The following RORA variants were observed in gnomAD, a reference collection of about 807,000 sequenced individuals.
RORA encodes RAR related orphan receptor A, also known as nuclear receptor ROR-alpha.
A neutral mutation model predicts 69.5 loss-of-function variants in RORA; 7 were observed. The observed-to-expected ratio is 0.10, with a 90% CI of 0.06 to 0.19. The LOEUF (loss-of-function observed/expected upper bound fraction) is 0.19. Ranked by LOEUF, RORA falls within the 10% of genes least tolerant of loss-of-function variation. The pLI is 1.00. For synonymous variants in RORA, 261 were observed against 240.8 expected (o/e 1.08, Z -0.78); for missense variants, 457 against 663.0 (o/e 0.69, Z 3.41).
At chr15:60,897,921 C>T (rs1595801048) in intron 1 of RORA, among the ~76,000 whole-genome samples, 1 of 152,134 alleles carries the variant, frequency 6.6e-6, no homozygotes, top group East Asian at 1.9e-4. Flanking sequence ...AAGATAGAGC[C>T]CATATTGGAT....
At chr15:61,097,749 C>T (rs1236290481) in intron 1 of RORA, among the ~76,000 whole-genome samples, 1 of 151,620 alleles carries the variant, frequency 6.6e-6, no homozygotes, top group African/African-American at 2.4e-5. Context: ...CTTCACCTGC[C>T]CTAAACCACA....
chr15:61,189,632 C>T (rs1341664640), intron 1 of RORA, among the ~76,000 whole-genome samples: 1 of 151,968 alleles, frequency 6.6e-6, no homozygotes, highest in Non-Finnish European at 1.5e-5. Flanking sequence ...CCGAGGTAGG[C>T]AGATCACGAG....
At chr15:60,525,111 CTT>C (rs2066306567) in intron 3 of RORA, among the ~76,000 whole-genome samples, 1 of 152,144 alleles carries the variant, frequency 6.6e-6, no homozygotes, top group Non-Finnish European at 1.5e-5. Flanking sequence ...CAAAAAAACA[CTT>C]TTCAATTTCT....
At chr15:60,581,255 G>T (rs944008160) in intron 2 of RORA, among the ~76,000 whole-genome samples, 20 of 152,108 alleles carry the variant, frequency 1.3e-4, no homozygotes, top group African/African-American at 4.8e-4. Context: ...AGCAGCAGGG[G>T]GCTTAGAAAG....
At chr15:60,520,982 C>A (rs2066145181) in intron 3 of RORA, among the ~76,000 whole-genome samples, 1 of 152,056 alleles carries the variant, frequency 6.6e-6, no homozygotes, top group African/African-American at 2.4e-5. Context: ...AGCAGATTAC[C>A]ATGCAGCTAT....
At chr15:60,909,549 C>A (rs1033259352) in intron 1 of RORA, among the ~76,000 whole-genome samples, 3 of 152,046 alleles carry the variant, frequency 2.0e-5, no homozygotes, top group Non-Finnish European at 2.9e-5. Context: ...TGAAAAAAAA[C>A]CATAGAAAAT....
chr15:60,528,211 A>G (rs1424164666), intron 3 of RORA: 2 of 152,244 alleles, frequency 1.3e-5, no homozygotes, highest in African/African-American at 4.8e-5. Context: ...AAACACCACC[A>G]TGCCTAGCCA....
intron 1 of RORA, among the ~76,000 whole-genome samples, chr15:60,891,251 T>C (rs1483200389): frequency 6.6e-6 from 1 of 152,192 alleles, no homozygotes; most frequent in East Asian, 1.9e-4. Flanking sequence ...AAAGCACCCT[T>C]GATGTAAACT....
In RORA at chr15:61,215,105, G is replaced by A. The variant is rs550963430; in HGVS notation, c.166+13948C>T. ...TCACCGTGTTAGCCAGGATGGTCTCGAACTCATGACCTCGTGATCCGCCCG... is the reference window on the plus strand; with the variant it reads ...TCACCGTGTTAGCCAGGATGGTCTCAAACTCATGACCTCGTGATCCGCCCG... On this transcript the variant is annotated intron_variant, in intron 1 of 10. Transcript: ENST00000335670. 1.8e-4 allele frequency among the ~76,000 whole-genome samples: 24 copies of A among 134,708 alleles called. No individual in the cohort carries two copies. The South Asian group carries it at 3.8e-3, about 21-fold the overall frequency. The allele number at this position is 134,708 out of a possible 152,430, so 88.4% of individuals were successfully genotyped here.
At chr15:60,843,738 G>A (rs972522430) in intron 1 of RORA, among the ~76,000 whole-genome samples, 2 of 152,196 alleles carry the variant, frequency 1.3e-5, no homozygotes, top group Non-Finnish European at 2.9e-5. Context: ...CAGAACGGCT[G>A]GCACAGCCCT....
At chr15:61,126,553 G>A (rs2079143934) in intron 1 of RORA, among the ~76,000 whole-genome samples, 1 of 152,184 alleles carries the variant, frequency 6.6e-6, no homozygotes, top group Non-Finnish European at 1.5e-5. Context: ...GGACAGTGAA[G>A]AGTATGAAAT....
chr15:60,518,643 A>C (rs74017207), intron 3 of RORA, among the ~76,000 whole-genome samples: 7,489 of 152,248 alleles, frequency 0.049, 622 homozygotes, highest in African/African-American at 0.17. Context: ...GGCTAGGTAC[A>C]AGACAATTAG....
intron 1 of RORA, among the ~76,000 whole-genome samples, chr15:61,142,150 T>C (rs1194710472): frequency 2.8e-5 from 1 of 35,594 alleles, no homozygotes; most frequent in African/African-American, 7.3e-5. Flanking sequence ...TTATAAAGTT[T>C]TTTTTTTTAT....
At chr15:61,195,285 T>C (rs921615726) in intron 1 of RORA, among the ~76,000 whole-genome samples, 1 of 152,076 alleles carries the variant, frequency 6.6e-6, no homozygotes, top group Non-Finnish European at 1.5e-5. Flanking sequence ...ACAAGATTCA[T>C]ACCATTAAGG....
intron 1 of RORA, among the ~76,000 whole-genome samples, chr15:61,115,304 C>G (rs1026184161): frequency 1.3e-5 from 2 of 151,996 alleles, no homozygotes; most frequent in Non-Finnish European, 2.9e-5. Context: ...TAAATAGGAG[C>G]CACATTCAAG....
chr15:60,627,588 A>G (rs2069625663), intron 2 of RORA: 5 of 1,213,346 alleles, frequency 4.1e-6, no homozygotes, highest in African/African-American at 1.6e-5. Context: ...CAATTCTCCC[A>G]TAATTGTTGA....
At chr15:61,075,287 C>T (rs768058597) in intron 1 of RORA, among the ~76,000 whole-genome samples, 3 of 152,004 alleles carry the variant, frequency 2.0e-5, no homozygotes, top group East Asian at 1.9e-4. Flanking sequence ...AGGGAGGAGG[C>T]TCTCTCCATC....
intron 1 of RORA, among the ~76,000 whole-genome samples, chr15:60,877,316 T>C (rs901106175): frequency 1.6e-4 from 24 of 152,218 alleles, no homozygotes; most frequent in African/African-American, 5.8e-4. Flanking sequence ...CTTGGTGTGG[T>C]ACACTCTTAA....
rs114990349 is a variant in RORA, at chr15:61,101,058, T to C, written c.166+127995A>G. On this transcript the variant is annotated intron_variant, in intron 1 of 10. Coordinates refer to ENST00000335670, the MANE Select transcript of RORA (RefSeq NM_134261.3). ...CACATATTAACTGCTCATCAGATGC[T>C]TGTAGAGAGAACAAATTAAGTTAAC... Among the ~76,000 whole-genome samples, 910 of 152,370 alleles carry C rather than the reference T, an allele frequency of 6.0e-3. 7 individuals are homozygous for C. Among genetic ancestry groups the C allele is most frequent in the African/African-American group, 0.02 (849 of 41,582 alleles).
Sources: allele counts gnomAD v4.1 joint callset (sites outside exome capture counted in the v4.1 genomes callset), GRCh38; gene constraint gnomAD v4.1.1; transcripts MANE v1.5; gene names NCBI Gene and HGNC (gene_info 2026-07-23, HGNC 2026-07-21).